Variants in EMB observed in about 807,000 individuals in gnomAD.
EMB encodes embigin homolog.
EMB carries 31 observed loss-of-function variants against 41.4 expected under a neutral mutation model. The ratio of observed to expected loss-of-function variants is 0.75; its 90% confidence interval spans 0.56 to 1.01. The LOEUF is 1.01. Ranked by LOEUF, EMB falls within the 50% of genes least tolerant of loss-of-function variation. The pLI is 0.00. For synonymous variants in EMB, 137 were observed against 140.4 expected, an observed-to-expected ratio of 0.98 and a Z score of 0.17; for missense variants, 379 against 388.3, an observed-to-expected ratio of 0.98 and a Z score of 0.20.
chr5:50,404,585 T>C (rs1745218801), intron 5 of EMB, among the ~76,000 whole-genome samples: 1 of 151,970 alleles, frequency 6.6e-6, no homozygotes, highest in South Asian at 2.1e-4. Flanking sequence ...TTTCAACATC[T>C]GATATAATTA....
intron 1 of EMB, among the ~76,000 whole-genome samples, chr5:50,436,810 A>T (rs946254555): frequency 6.6e-6 from 1 of 152,220 alleles, no homozygotes; most frequent in African/African-American, 2.4e-5. Flanking sequence ...AAATAACTAT[A>T]GGACCTATGG....
intron 8 of EMB, 61 bp downstream of exon 8, chr5:50,399,794 TGATA>T (rs763169392): frequency 1.1e-5 from 14 of 1,297,666 alleles, no homozygotes; most frequent in Non-Finnish European, 1.5e-5. Context: ...AGTAACTGAT[TGATA>T]GATAGCCTAT....
At chr5:50,431,179 C>G (rs1427663917) in intron 1 of EMB, among the ~76,000 whole-genome samples, 1 of 152,126 alleles carries the variant, frequency 6.6e-6, no homozygotes, top group Non-Finnish European at 1.5e-5. Flanking sequence ...CAAAAGAACA[C>G]GTGTAACTGC....
chr5:50,418,177 C>A (rs1745459805), intron 2 of EMB, among the ~76,000 whole-genome samples: 1 of 152,220 alleles, frequency 6.6e-6, no homozygotes, highest in African/African-American at 2.4e-5. Flanking sequence ...AACACTGCAA[C>A]TATTGTTTAC....
At chr5:50,413,004 G>T (rs183580287) in intron 2 of EMB, among the ~76,000 whole-genome samples, 1 of 150,596 alleles carries the variant, frequency 6.6e-6, no homozygotes, top group East Asian at 2.0e-4. Flanking sequence ...TCTTTCTTCA[G>T]TTTAACCCTC....
intron 1 of EMB, among the ~76,000 whole-genome samples, chr5:50,438,080 T>A (rs1181803119): frequency 6.6e-6 from 1 of 152,128 alleles, no homozygotes; most frequent in Non-Finnish European, 1.5e-5. Flanking sequence ...CTGTCAGTAG[T>A]TCTGAACTTT....
At position 50,441,087 on chromosome 5, in the gene EMB, C is replaced by T. The variant is rs1341701658; in HGVS notation, c.65G>A (p.Cys22Tyr). The change falls in exon 1 of 9, where the codon TGC becomes TAC. Residue 22 changes from cysteine to tyrosine, a missense_variant. Coordinates refer to ENST00000303221, the MANE Select transcript of EMB (RefSeq NM_198449.3). The part of the protein sequence containing the change: ...ARTPRLLLLQ[C>Y]LLAAARPSSA... The stretch of plus-strand genomic sequence containing the variant: ...GCTTGGGCGCGCGGCAGCGAGAAGG[C>T]ACTGGAGGAGGAGCAGCCGGGGCGT... 1 of 1,520,384 alleles carries T rather than the reference C, an allele frequency of 6.6e-7. No homozygotes were observed. The highest frequency in any genetic ancestry group is 8.8e-7 in the Non-Finnish European group (1 of 1,136,856). The allele number at this position is 1,520,384 out of a possible 1,614,324, so 94.2% of individuals were successfully genotyped here. A position where few individuals can be genotyped will look rare whatever the true frequency, so the allele number is the denominator to read the frequency against.
At chr5:50,417,406 T>C (rs1269017889) in intron 2 of EMB, among the ~76,000 whole-genome samples, 1 of 152,258 alleles carries the variant, frequency 6.6e-6, no homozygotes, top group Non-Finnish European at 1.5e-5. Context: ...CCTTGATTCT[T>C]GTAATTTCAC....
intron 2 of EMB, among the ~76,000 whole-genome samples, chr5:50,417,911 C>T (rs1350568483): frequency 1.1e-4 from 17 of 152,174 alleles, no homozygotes; most frequent in Admixed American, 5.9e-4. Context: ...AGAGGAGATG[C>T]TAGTTGAATT....
At chr5:50,439,182 T>C (rs1324232130) in intron 1 of EMB, among the ~76,000 whole-genome samples, 1 of 152,016 alleles carries the variant, frequency 6.6e-6, no homozygotes, top group Non-Finnish European at 1.5e-5. Context: ...TACAGTCAAG[T>C]AGAGAATCAA....
chr5:50,442,526 C>CAA (rs1006616493), upstream of EMB, among the ~76,000 whole-genome samples: 1 of 151,988 alleles, frequency 6.6e-6, no homozygotes, highest in Non-Finnish European at 1.5e-5. Context: ...CACACACACA[C>CAA]ACACAAATTA....
intron 2 of EMB, among the ~76,000 whole-genome samples, chr5:50,426,117 G>C (rs1339135690): frequency 1.3e-5 from 2 of 152,148 alleles, no homozygotes; most frequent in African/African-American, 4.8e-5. Flanking sequence ...TAATAATGCT[G>C]TTAAAAGAAA....
rs1335181915 is a variant in EMB, at chr5:50,441,200, C to G, written c.-49G>C. ...CCTCGTGGAGACTGCTCCCTCAGCT[C>G]GCCGCCGCGGGTGTCCAGAGTCCCT... On this transcript the variant is annotated 5_prime_UTR_variant, in exon 1 of 9. Transcript: ENST00000303221. The G allele has an allele frequency of 4.2e-6, 5 of 1,201,022 alleles. No homozygotes were observed. In the Admixed American group the frequency reaches 1.4e-4, roughly 34 times the overall value. 74.4% of individuals were successfully genotyped at this position (1,201,022 alleles called of 1,614,324 possible). A position where few individuals can be genotyped will look rare whatever the true frequency, so the allele number is the denominator to read the frequency against.
At chr5:50,420,818 T>G (rs1477943571) in intron 2 of EMB, among the ~76,000 whole-genome samples, 34 of 152,280 alleles carry the variant, frequency 2.2e-4, no homozygotes, top group Non-Finnish European at 5.9e-5. Flanking sequence ...TCCCTTAGAC[T>G]GAAGGTTCAA....
intron 1 of EMB, among the ~76,000 whole-genome samples, chr5:50,439,326 T>C (rs1745856813): frequency 6.6e-6 from 1 of 151,926 alleles, no homozygotes. Context: ...TTCTTTCTTT[T>C]TTTTTGAGAC....
intron 1 of EMB, among the ~76,000 whole-genome samples, chr5:50,432,901 AC>A (rs1212142130): frequency 6.6e-6 from 1 of 151,864 alleles, no homozygotes; most frequent in Non-Finnish European, 1.5e-5. Flanking sequence ...GCATGGTGAA[AC>A]CCCGTCTCTA....
At chr5:50,424,369 C>A (rs1745576647) in intron 2 of EMB, among the ~76,000 whole-genome samples, 2 of 152,104 alleles carry the variant, frequency 1.3e-5, no homozygotes, top group African/African-American at 2.4e-5. Flanking sequence ...AAATACATAT[C>A]AGAGAAGCAG....
intron 2 of EMB, among the ~76,000 whole-genome samples, chr5:50,415,476 A>G (rs901606409): frequency 1.3e-5 from 2 of 152,196 alleles, no homozygotes; most frequent in Non-Finnish European, 2.9e-5. Context: ...ATAATATAGC[A>G]ATTAATAAAT....
At chr5:50,400,695 G>A (rs1180822420) in intron 7 of EMB, among the ~76,000 whole-genome samples, 1 of 151,944 alleles carries the variant, frequency 6.6e-6, no homozygotes, top group Admixed American at 6.6e-5. Context: ...TAAAGATAGT[G>A]AAATAACCTG....
Sources: gnomAD v4.1 joint callset for allele counts (sites outside exome capture counted in the v4.1 genomes callset) on GRCh38, gnomAD v4.1.1 for gene constraint, MANE v1.5 for transcripts, NCBI Gene and HGNC (gene_info 2026-07-23, HGNC 2026-07-21) for gene names.